The following HDAC9 variants were observed in gnomAD, a reference collection of about 807,000 sequenced individuals.
HDAC9 encodes MEF-2 interacting transcription repressor (MITR) protein.
HDAC9 carries 41 observed loss-of-function variants against 139.4 expected under a neutral mutation model. That is an observed-to-expected ratio of 0.29 (90% CI 0.23 to 0.38). The LOEUF (loss-of-function observed/expected upper bound fraction) is 0.38, where lower values mean the gene tolerates loss of function less well. Ranked by LOEUF, HDAC9 falls within the 10% of genes least tolerant of loss-of-function variation. HDAC9 has a pLI of 1.00. For missense variants in HDAC9, 1,147 were observed against 1,297.0 expected, an observed-to-expected ratio of 0.88 and a Z score of 1.78; for synonymous variants, 517 against 476.2, an observed-to-expected ratio of 1.09 and a Z score of -1.12.
chr7:18,145,590 C>T (rs1276907503), intron 1 of HDAC9, among the ~76,000 whole-genome samples: 1 of 152,004 alleles, frequency 6.6e-6, no homozygotes, highest in Non-Finnish European at 1.5e-5. Context: ...AATTGAATGA[C>T]TATATATTAG....
intron 2 of HDAC9, among the ~76,000 whole-genome samples, chr7:18,525,774 G>A (rs540399340): frequency 1.5e-4 from 23 of 152,260 alleles, no homozygotes; most frequent in African/African-American, 5.3e-4. Flanking sequence ...AGAATAGGAT[G>A]CTGTATATCT....
At chr7:18,614,955 A>G (rs1584140447) in intron 6 of HDAC9, among the ~76,000 whole-genome samples, 2 of 152,208 alleles carry the variant, frequency 1.3e-5, no homozygotes, top group Non-Finnish European at 2.9e-5. Context: ...ACTCAAGTAA[A>G]GGAGAATGAT....
chr7:18,130,330 G>T (rs1784923842), intron 1 of HDAC9, among the ~76,000 whole-genome samples: 1 of 152,058 alleles, frequency 6.6e-6, no homozygotes, highest in Admixed American at 6.6e-5. Context: ...AGAGCCATGA[G>T]GACTCAAAGA....
At chr7:18,303,252 C>T (rs1045792160) in intron 1 of HDAC9, among the ~76,000 whole-genome samples, 1 of 151,958 alleles carries the variant, frequency 6.6e-6, no homozygotes, top group Non-Finnish European at 1.5e-5. Flanking sequence ...GAGTCTTGCT[C>T]TGTCGCCCAG....
chr7:18,826,253 C>T (rs958395079), intron 17 of HDAC9, among the ~76,000 whole-genome samples: 1 of 152,110 alleles, frequency 6.6e-6, no homozygotes, highest in South Asian at 2.1e-4. Context: ...GCTCTCAAAG[C>T]AGCAGTGAAG....
upstream of HDAC9, among the ~76,000 whole-genome samples, chr7:18,288,040 A>G (rs1797568822): frequency 6.6e-6 from 1 of 152,246 alleles, no homozygotes; most frequent in Admixed American, 6.5e-5. Context: ...CTAAGACTAC[A>G]GCTACTGTAT....
intron 23 of HDAC9, chr7:18,949,205 C>A (rs1234504638): frequency 1.9e-5 from 4 of 208,234 alleles, no homozygotes; most frequent in Non-Finnish European, 3.9e-5. Flanking sequence ...ATATAGATTT[C>A]TTCACTGAGC....
At chr7:18,586,465 C>G (rs554558772) in intron 3 of HDAC9, among the ~76,000 whole-genome samples, 1 of 152,018 alleles carries the variant, frequency 6.6e-6, no homozygotes, top group Non-Finnish European at 1.5e-5. Flanking sequence ...TATGTTATCT[C>G]ATACTTTATT....
Position 18,934,625 on chromosome 7 carries a change from A to C in HDAC9, c.2804-1184A>C, listed in dbSNP as rs548443151. On this transcript the variant is annotated intron_variant, in intron 22 of 25. Transcript: ENST00000686413. ...ATAGAAAACTCCCCTCTTACACTGAATGAAAACACAATAAGATGCCATTTT... is the reference window on the plus strand; with the variant it reads ...ATAGAAAACTCCCCTCTTACACTGACTGAAAACACAATAAGATGCCATTTT... Among the ~76,000 whole-genome samples the C allele has an allele frequency of 3.3e-5, 5 of 152,290 alleles. No individual in the cohort carries two copies. In the South Asian group the frequency reaches 8.3e-4, roughly 25 times the overall value.
intron 1 of HDAC9, among the ~76,000 whole-genome samples, chr7:18,329,028 G>C (rs1379423296): frequency 6.6e-6 from 1 of 151,706 alleles, no homozygotes; most frequent in African/African-American, 2.4e-5. Context: ...TCCTGGTTCA[G>C]TCTTGGTAGG....
chr7:18,650,750 TA>T (rs1788974795), intron 11 of HDAC9, among the ~76,000 whole-genome samples: 1 of 152,210 alleles, frequency 6.6e-6, no homozygotes, highest in Non-Finnish European at 1.5e-5. Context: ...TACATGTTTG[TA>T]CAGTGGTTTG....
chr7:18,922,468 A>G (rs1393005576), intron 22 of HDAC9, among the ~76,000 whole-genome samples: 2 of 152,068 alleles, frequency 1.3e-5, no homozygotes, highest in Non-Finnish European at 2.9e-5. Flanking sequence ...TCAAACCTCA[A>G]TGCAGGTAGA....
chr7:18,418,309 A>G (rs181145131), intron 1 of HDAC9, among the ~76,000 whole-genome samples: 2 of 152,264 alleles, frequency 1.3e-5, no homozygotes, highest in African/African-American at 4.8e-5. Flanking sequence ...CAGAGAGTAA[A>G]ACTCAAGAGA....
At chr7:18,473,461 A>G (rs536289564) in intron 1 of HDAC9, among the ~76,000 whole-genome samples, 1 of 152,314 alleles carries the variant, frequency 6.6e-6, no homozygotes, top group African/African-American at 2.4e-5. Flanking sequence ...TTTCTTTTCC[A>G]CTAATATGTG....
chr7:18,994,449 T>C (rs944377306), intron 25 of HDAC9, among the ~76,000 whole-genome samples: 1 of 152,202 alleles, frequency 6.6e-6, no homozygotes, highest in Non-Finnish European at 1.5e-5. Context: ...ATTTATCTTA[T>C]GTACCACCTC....
rs370136047 is a variant in HDAC9 at position 18,956,433 on chromosome 7, C to G, written c.3022+2203C>G. Among the ~76,000 whole-genome samples, 296 of 152,156 alleles carry G rather than the reference C, an allele frequency of 1.9e-3. 1 individual carries two copies. Among genetic ancestry groups the G allele is most frequent in the Non-Finnish European group, 3.4e-3 (232 of 67,984 alleles). On this transcript the variant is annotated intron_variant, in intron 24 of 25. Coordinates refer to ENST00000686413, the MANE Select transcript of HDAC9 (RefSeq NM_178425.4). ...GGACAGGAATCATATCTTTTTGTCT[C>G]TGAATGTCCCTCCAGGAAGGGTTGA...
chr7:18,151,451 G>T (rs1247540437), intron 1 of HDAC9, among the ~76,000 whole-genome samples: 3 of 152,162 alleles, frequency 2.0e-5, no homozygotes, highest in Non-Finnish European at 4.4e-5. Context: ...CTGTTTTACT[G>T]ATGGGATCAT....
intron 1 of HDAC9, among the ~76,000 whole-genome samples, chr7:18,483,503 T>G (rs1373487269): frequency 1.3e-5 from 2 of 152,178 alleles, no homozygotes; most frequent in Non-Finnish European, 2.9e-5. Flanking sequence ...TAGGCATTGT[T>G]GTTATGATCA....
At chr7:18,321,755 T>C (rs532670278) in intron 1 of HDAC9, among the ~76,000 whole-genome samples, 1 of 152,312 alleles carries the variant, frequency 6.6e-6, no homozygotes, top group East Asian at 1.9e-4. Context: ...AATTGTATAG[T>C]GTGCCCCAGA....
Sources: allele counts gnomAD v4.1 joint callset (sites outside exome capture counted in the v4.1 genomes callset), GRCh38; gene constraint gnomAD v4.1.1; transcripts MANE v1.5; gene names NCBI Gene and HGNC (gene_info 2026-07-23, HGNC 2026-07-21).